Variants in LRRIQ1 observed in about 807,000 individuals in gnomAD.
LRRIQ1 encodes the protein leucine rich repeats and IQ motif containing 1, also known as leucine-rich repeat- and IQ domain-containing protein 1.
Under a neutral mutation model 211.9 loss-of-function variants are expected in LRRIQ1, and 210 were observed. That is an observed-to-expected ratio of 0.99 (90% CI 0.89 to 1.11). LRRIQ1 has a LOEUF of 1.11. LRRIQ1 is among the 50% of genes most tolerant of loss of function. The pLI is 0.00. For synonymous variants in LRRIQ1, 699 were observed against 650.1 expected (o/e 1.08, Z -1.14); for missense variants, 2,136 against 1,939.5 (o/e 1.10, Z -1.90).
chr12:85,167,997 T>C (rs892363507), intron 24 of LRRIQ1, among the ~76,000 whole-genome samples: 1 of 152,166 alleles, frequency 6.6e-6, no homozygotes, highest in Non-Finnish European at 1.5e-5. Flanking sequence ...TTATGGCACA[T>C]TATAAAGGAA....
At chr12:85,082,738 T>C (rs1565816937) in intron 11 of LRRIQ1, among the ~76,000 whole-genome samples, 1 of 152,238 alleles carries the variant, frequency 6.6e-6, no homozygotes. Context: ...TTATTATTTC[T>C]GCTAACTCTT....
rs1468077982 is a variant in LRRIQ1, at chr12:85,047,343, AAG to A, written c.555_556del (p.Lys186ThrfsTer9). 1 of 1,610,412 alleles carries A rather than the reference AAG, an allele frequency of 6.2e-7. No homozygotes were observed. The highest frequency in any genetic ancestry group is 8.5e-7 in the Non-Finnish European group (1 of 1,176,992). ...GAGAAACAGAAGGAATTAGAAGATA[AAG>A]AGAAACAAACTCTCAAAGCTCAGAG... On this transcript the variant is annotated frameshift_variant, in exon 6 of 27. Transcript: ENST00000393217. LOFTEE classifies it high-confidence loss of function.
intron 1 of LRRIQ1, among the ~76,000 whole-genome samples, chr12:85,260,140 A>AG (rs1326970630): frequency 6.6e-6 from 1 of 150,710 alleles, no homozygotes; most frequent in Non-Finnish European, 1.5e-5. Flanking sequence ...AAAAAAAAAA[A>AG]AAAAAAAAAA....
At chr12:85,087,189 G>A (rs1884918916) in intron 11 of LRRIQ1, among the ~76,000 whole-genome samples, 1 of 151,906 alleles carries the variant, frequency 6.6e-6, no homozygotes, top group South Asian at 2.1e-4. Flanking sequence ...GAGAACATGT[G>A]GTGTTTGGTT....
At chr12:85,167,251 A>C (rs1039043462) in intron 24 of LRRIQ1, among the ~76,000 whole-genome samples, 8 of 152,194 alleles carry the variant, frequency 5.3e-5, no homozygotes, top group African/African-American at 1.9e-4. Flanking sequence ...ATTATTAGTC[A>C]GGGTTCTCTA....
chr12:85,181,969 A>G (rs1480607910), intron 24 of LRRIQ1, among the ~76,000 whole-genome samples: 1 of 152,074 alleles, frequency 6.6e-6, no homozygotes, highest in Non-Finnish European at 1.5e-5. Flanking sequence ...TAGAAGAAAT[A>G]TATTATTGAA....
At chr12:85,037,621 G>A (rs995279182) in intron 1 of LRRIQ1, among the ~76,000 whole-genome samples, 1 of 151,926 alleles carries the variant, frequency 6.6e-6, no homozygotes, top group Non-Finnish European at 1.5e-5. Context: ...TAACGAAAGG[G>A]AAAGAGGATG....
chr12:85,255,020 C>A (rs1264022599), intron 1 of LRRIQ1, among the ~76,000 whole-genome samples: 1 of 151,758 alleles, frequency 6.6e-6, no homozygotes. Flanking sequence ...ATATAGAAAT[C>A]TTTCTCTTCT....
chr12:85,264,879 C>T (rs1304103151), downstream of LRRIQ1, among the ~76,000 whole-genome samples: 1 of 152,046 alleles, frequency 6.6e-6, no homozygotes, highest in Non-Finnish European at 1.5e-5. Context: ...TAATTCTCAC[C>T]TTTCTGTAAA....
intron 2 of LRRIQ1, 55 bp downstream of exon 2, chr12:85,038,363 T>C (rs891719506): frequency 3.7e-6 from 5 of 1,335,798 alleles, no homozygotes; most frequent in Admixed American, 2.8e-5. Context: ...AGGAGAAATA[T>C]TACTTTTCTC....
chr12:85,056,329 G>C lies in LRRIQ1; in HGVS notation c.1536G>C (p.Leu512Phe). 1.3e-6 allele frequency: 2 copies of C among 1,598,212 alleles called. No homozygotes were observed. The highest frequency in any genetic ancestry group is 1.7e-6 in the Non-Finnish European group (2 of 1,175,764). The change falls in exon 8 of 27, where the codon TTG (leucine) becomes TTC (phenylalanine). Residue 512 changes from leucine to phenylalanine, a missense_variant. By Grantham distance (22) the Leu-to-Phe change is conservative. Coordinates refer to ENST00000393217, the MANE Select transcript of LRRIQ1 (RefSeq NM_001079910.2). The stretch of plus-strand genomic sequence containing the variant: ...AAAATACAGATAACAAAACTGAATT[G>C]GGAAACTCTGATCTAAAAGGAAATC... ...KYENTDNKTE[L>F]GNSDLKGNLK...
chr12:85,189,025 G>C (rs551059802), intron 24 of LRRIQ1, among the ~76,000 whole-genome samples: 9 of 152,140 alleles, frequency 5.9e-5, no homozygotes, highest in African/African-American at 2.2e-4. Flanking sequence ...TGCACAAGGT[G>C]GAGAATCTCA....
rs780875512 is a variant in LRRIQ1 at position 85,153,151 on chromosome 12, C to A, written c.4541+6C>A. The A allele has an allele frequency of 1.3e-6, 2 of 1,579,730 alleles. No individual in the cohort carries two copies. The highest frequency in any genetic ancestry group is 1.7e-6 in the Non-Finnish European group (2 of 1,164,164). Reference sequence around the variant, plus strand: ...CACACACAATTTAATAGCAGGTAAGCTAAACTATTGTTTTAGAGAATCAAC... The same window carrying A: ...CACACACAATTTAATAGCAGGTAAGATAAACTATTGTTTTAGAGAATCAAC... On this transcript the variant is annotated splice_donor_region_variant and intron_variant, in intron 21 of 26. Transcript: ENST00000393217.
intron 6 of LRRIQ1, among the ~76,000 whole-genome samples, chr12:85,049,277 C>T (rs1880018804): frequency 6.6e-6 from 1 of 152,096 alleles, no homozygotes; most frequent in South Asian, 2.1e-4. Flanking sequence ...CCCAATTCCT[C>T]CCCCCTCATT....
intron 24 of LRRIQ1, among the ~76,000 whole-genome samples, chr12:85,229,235 T>G (rs993414591): frequency 4.6e-5 from 7 of 152,146 alleles, no homozygotes; most frequent in Non-Finnish European, 8.8e-5. Context: ...AAAATAACTC[T>G]CTGATTTTTC....
At chr12:85,082,477 AT>A (rs1447337248) in intron 11 of LRRIQ1, among the ~76,000 whole-genome samples, 1 of 110,416 alleles carries the variant, frequency 9.1e-6, no homozygotes, top group Non-Finnish European at 1.8e-5. Context: ...TTCTTCAAAT[AT>A]TTTTTCCTTT....
chr12:85,225,154 T>TA (rs916429627), intron 24 of LRRIQ1, among the ~76,000 whole-genome samples: 4 of 152,078 alleles, frequency 2.6e-5, no homozygotes, highest in Admixed American at 6.6e-5. Flanking sequence ...CATTATTTCC[T>TA]AAAAAAATTA....
At chr12:85,250,061 A>G (rs1023553839), downstream of LRRIQ1, among the ~76,000 whole-genome samples, 6 of 151,878 alleles carry the variant, frequency 4.0e-5, no homozygotes, top group African/African-American at 1.2e-4. Flanking sequence ...AATATTCTAG[A>G]TACCTAGAAC....
At chr12:85,222,790 G>C (rs911379906) in intron 24 of LRRIQ1, among the ~76,000 whole-genome samples, 4 of 152,138 alleles carry the variant, frequency 2.6e-5, no homozygotes, top group Non-Finnish European at 5.9e-5. Flanking sequence ...ACAGTTCAAG[G>C]CGTTGGGTTT....
Sources: allele counts gnomAD v4.1 joint callset (sites outside exome capture counted in the v4.1 genomes callset), GRCh38; gene constraint gnomAD v4.1.1; transcripts MANE v1.5; gene names NCBI Gene and HGNC (gene_info 2026-07-23, HGNC 2026-07-21).